Variants in COL19A1 observed in about 807,000 individuals in gnomAD.
The protein encoded by COL19A1 is collagen type XIX alpha 1 chain.
A neutral mutation model predicts 190.2 loss-of-function variants in COL19A1; 159 were observed. The observed-to-expected ratio is 0.84, with a 90% CI of 0.73 to 0.95. The LOEUF (loss-of-function observed/expected upper bound fraction) is 0.95, where lower values mean the gene tolerates loss of function less well. Among genes scored for constraint, COL19A1 ranks in the 40% least tolerant of loss-of-function variants. The pLI is 0.00. For missense variants in COL19A1, 1,418 were observed against 1,431.9 expected (o/e 0.99, Z 0.16); for synonymous variants, 509 against 458.9 (o/e 1.11, Z -1.39).
At chr6:69,918,856 T>C (rs1361418312) in intron 4 of COL19A1, among the ~76,000 whole-genome samples, 1 of 152,170 alleles carries the variant, frequency 6.6e-6, no homozygotes, top group Non-Finnish European at 1.5e-5. Flanking sequence ...TGTCTTTTAT[T>C]GAGATGTGGA....
At chr6:70,024,582 CGTGT>C (rs71536487) in intron 12 of COL19A1, among the ~76,000 whole-genome samples, 4,437 of 143,102 alleles carry the variant, frequency 0.031, 100 homozygotes, top group African/African-American at 0.074. Flanking sequence ...TGGAGAAAGT[CGTGT>C]GTGTGTGTGT....
rs560032863 is a variant in COL19A1, at chr6:69,926,060, T to C, written c.267-1849T>C. Among the ~76,000 whole-genome samples the C allele has an allele frequency of 9.2e-5, 14 of 152,288 alleles. No individual in the cohort carries two copies. In the East Asian group the frequency reaches 2.3e-3, roughly 25 times the overall value. On this transcript the variant is annotated intron_variant, in intron 4 of 50. Transcript: ENST00000620364. ...GGGACAATTTGACTTCCTCTTTTCC[T>C]AATTGAATACCCTTTATTTCTTTCT...
intron 9 of COL19A1, among the ~76,000 whole-genome samples, chr6:69,952,417 A>T (rs1248856647): frequency 6.6e-6 from 1 of 151,858 alleles, no homozygotes; most frequent in African/African-American, 2.4e-5. Flanking sequence ...TACATTCTCC[A>T]CCAAATAAAT....
At chr6:70,169,106 G>A (rs770443119) in intron 40 of COL19A1, among the ~76,000 whole-genome samples, 3 of 151,924 alleles carry the variant, frequency 2.0e-5, no homozygotes, top group Non-Finnish European at 2.9e-5. Context: ...TGCTTTAAAC[G>A]TCTTAGGCAA....
At chr6:70,155,360 T>C (rs1787369631) in intron 31 of COL19A1, among the ~76,000 whole-genome samples, 1 of 152,192 alleles carries the variant, frequency 6.6e-6, no homozygotes, top group African/African-American at 2.4e-5. Context: ...CCTTTCTTGG[T>C]CATATTCTTA....
chr6:69,936,948 C>G, intron 8 of COL19A1, 38 bp downstream of exon 8: 2 of 1,605,402 alleles, frequency 1.2e-6, no homozygotes, highest in Non-Finnish European at 1.7e-6. Context: ...GAAAGCCACT[C>G]CAGACTATGA....
intron 9 of COL19A1, among the ~76,000 whole-genome samples, chr6:69,942,081 T>A (rs1773507501): frequency 6.6e-6 from 1 of 152,206 alleles, no homozygotes; most frequent in African/African-American, 2.4e-5. Context: ...AACTTACTTT[T>A]TCTCATTAAC....
intron 4 of COL19A1, among the ~76,000 whole-genome samples, chr6:69,907,690 A>T (rs1770652925): frequency 6.6e-6 from 1 of 152,186 alleles, no homozygotes; most frequent in South Asian, 2.1e-4. Flanking sequence ...TTACAAATAG[A>T]AGCTGTAGTT....
At chr6:70,183,011 A>G (rs532007372) in intron 44 of COL19A1, among the ~76,000 whole-genome samples, 8 of 152,246 alleles carry the variant, frequency 5.3e-5, no homozygotes, top group Admixed American at 1.3e-4. Flanking sequence ...TTTGTTTGTT[A>G]GTGAAAGAAG....
chr6:70,078,385 A>G (rs1782018315), intron 15 of COL19A1, among the ~76,000 whole-genome samples: 1 of 152,244 alleles, frequency 6.6e-6, no homozygotes, highest in Non-Finnish European at 1.5e-5. Context: ...AGGGAAGCAG[A>G]CAAGAGAAGA....
At chr6:70,087,003 T>A (rs80113526) in intron 15 of COL19A1, among the ~76,000 whole-genome samples, 14 of 147,554 alleles carry the variant, frequency 9.5e-5, no homozygotes, top group South Asian at 2.2e-4. Context: ...TGTTTTTTTT[T>A]AAATAAAGTT....
At chr6:70,148,276 G>A (rs970209307) in intron 27 of COL19A1, among the ~76,000 whole-genome samples, 1 of 151,948 alleles carries the variant, frequency 6.6e-6, no homozygotes, top group South Asian at 2.1e-4. Context: ...GGAGCCCACC[G>A]AGAGTCACCT....
intron 9 of COL19A1, among the ~76,000 whole-genome samples, chr6:69,958,059 A>G (rs1774536273): frequency 6.6e-6 from 1 of 152,160 alleles, no homozygotes; most frequent in Non-Finnish European, 1.5e-5. Context: ...TGTCCATTAA[A>G]GACATATTCT....
rs143402390 is a variant in COL19A1 at position 69,982,755 on chromosome 6, G to A, written c.1026+19885G>A. Among the ~76,000 whole-genome samples, 799 of 150,438 alleles carry A rather than the reference G, an allele frequency of 5.3e-3. 21 individuals are homozygous for A. The East Asian group carries it at 0.068, about 13-fold the overall frequency. On this transcript the variant is annotated intron_variant, in intron 11 of 50. Transcript: ENST00000620364. The stretch of plus-strand genomic sequence containing the variant: ...TGGGAGGCCGAGACGGGCAGATCAC[G>A]ACGTCAGGAGATCGAGACCATCCTA...
intron 11 of COL19A1, among the ~76,000 whole-genome samples, chr6:70,009,681 T>G (rs1467485007): frequency 6.6e-6 from 1 of 152,182 alleles, no homozygotes; most frequent in African/African-American, 2.4e-5. Flanking sequence ...TAATATTACC[T>G]GATTTCAACA....
intron 11 of COL19A1, among the ~76,000 whole-genome samples, chr6:70,018,843 C>T (rs532400158): frequency 6.6e-6 from 1 of 152,248 alleles, no homozygotes; most frequent in South Asian, 2.1e-4. Flanking sequence ...AAAGCTGACA[C>T]ATTAATCCAC....
At chr6:69,936,142 A>T (rs1277048880) in intron 7 of COL19A1, among the ~76,000 whole-genome samples, 4 of 152,124 alleles carry the variant, frequency 2.6e-5, no homozygotes, top group Admixed American at 6.6e-5. Context: ...TTAATTTTTT[A>T]AAAAATGTTC....
intron 16 of COL19A1, among the ~76,000 whole-genome samples, chr6:70,119,931 A>C (rs1478385800): frequency 1.3e-5 from 2 of 152,244 alleles, no homozygotes; most frequent in Admixed American, 6.5e-5. Context: ...CCTCTACTAA[A>C]AATACAAAAA....
chr6:70,046,920 A>G (rs1407548504), intron 14 of COL19A1, among the ~76,000 whole-genome samples: 1 of 152,290 alleles, frequency 6.6e-6, no homozygotes, highest in Middle Eastern at 3.4e-3. Flanking sequence ...TATTAACAAC[A>G]AAGAAAAATT....
Sources: gnomAD v4.1 joint callset for allele counts (sites outside exome capture counted in the v4.1 genomes callset) on GRCh38, gnomAD v4.1.1 for gene constraint, MANE v1.5 for transcripts, NCBI Gene and HGNC (gene_info 2026-07-23, HGNC 2026-07-21) for gene names.